PACRG: variants seen among roughly 807,000 people sequenced by gnomAD.
The protein encoded by PACRG is parkin coregulated gene protein.
PACRG carries 29 observed loss-of-function variants against 29.7 expected under a neutral mutation model. The observed-to-expected ratio is 0.98, with a 90% CI of 0.73 to 1.33. The LOEUF is 1.33. PACRG is among the 40% of genes most tolerant of loss of function. The probability of loss-of-function intolerance (pLI) is 0.00; values close to 1 mark genes in which losing one functional copy is unlikely to be tolerated. For missense variants in PACRG, 279 were observed against 316.2 expected, an observed-to-expected ratio of 0.88 and a Z score of 0.89; for synonymous variants, 116 against 118.7, an observed-to-expected ratio of 0.98 and a Z score of 0.15.
chr6:163,191,048 A>G, intron 4 of PACRG: 1 of 436,024 alleles, frequency 2.3e-6, no homozygotes, highest in Non-Finnish European at 4.6e-6. Context: ...ACATATTATC[A>G]TTTGAAAAAC....
chr6:163,314,897 A>G lies in PACRG; in HGVS notation c.684A>G (p.Thr228=), dbSNP rs1289004429. 2 of 1,614,112 alleles carry G rather than the reference A, an allele frequency of 1.2e-6. No homozygotes were observed. Among genetic ancestry groups the G allele is most frequent in the African/African-American group, 1.3e-5 (1 of 74,938 alleles). The change falls in exon 5 of 5, where the codon ACA becomes ACG. Residue 228 remains threonine, a synonymous_variant. Coordinates refer to ENST00000366888, the MANE Select transcript of PACRG (RefSeq NM_001080379.2). ...ACATTGGGGACTTGATCCAGGAGAC[A>G]CTGGAGGCCTTCGAGCGCTACGGAG... ...RENIGDLIQE[T]LEAFERYGGE...
chr6:162,900,779 G>C (rs138786081), intron 2 of PACRG, among the ~76,000 whole-genome samples: 121 of 152,260 alleles, frequency 7.9e-4, no homozygotes, highest in African/African-American at 2.8e-3. Flanking sequence ...CCTGTGGCTG[G>C]CTCCTTCTCA....
intron 2 of PACRG, among the ~76,000 whole-genome samples, chr6:162,821,644 T>C (rs533722800): frequency 2.0e-5 from 3 of 152,310 alleles, no homozygotes; most frequent in African/African-American, 7.2e-5. Context: ...GTTGACGTTG[T>C]AGAAGTATCA....
chr6:163,075,508 T>A (rs943570728), intron 3 of PACRG, among the ~76,000 whole-genome samples: 1 of 152,102 alleles, frequency 6.6e-6, no homozygotes, highest in African/African-American at 2.4e-5. Flanking sequence ...TTAAACAATA[T>A]AACTAACAAA....
chr6:163,189,493 T>G (rs1345097201), intron 4 of PACRG: 1 of 152,254 alleles, frequency 6.6e-6, no homozygotes, highest in African/African-American at 2.4e-5. Flanking sequence ...TATGCCCAGC[T>G]TATTCATTAT....
chr6:163,002,645 C>T (rs544196221), intron 2 of PACRG, among the ~76,000 whole-genome samples: 5 of 152,140 alleles, frequency 3.3e-5, no homozygotes, highest in East Asian at 1.9e-4. Context: ...AATGTCTTCA[C>T]GTTTTGCAAA....
At chr6:162,881,372 T>A (rs1224805535) in intron 2 of PACRG, among the ~76,000 whole-genome samples, 1 of 152,042 alleles carries the variant, frequency 6.6e-6, no homozygotes, top group African/African-American at 2.4e-5. Context: ...AGATGTTTAT[T>A]TTTTTAAAAC....
intron 1 of PACRG, among the ~76,000 whole-genome samples, chr6:162,812,557 C>A (rs1786967823): frequency 6.6e-6 from 1 of 151,588 alleles, no homozygotes; most frequent in Non-Finnish European, 1.5e-5. Flanking sequence ...TTACCATCTA[C>A]CTTTTCTAAA....
At chr6:162,886,521 C>G (rs1174918773) in intron 2 of PACRG, among the ~76,000 whole-genome samples, 1 of 152,186 alleles carries the variant, frequency 6.6e-6, no homozygotes, top group Non-Finnish European at 1.5e-5. Context: ...GTTCATTAAC[C>G]CCCTCCAGTG....
At position 163,277,386 on chromosome 6, in the gene PACRG, AG is replaced by A. The variant is rs527590135; in HGVS notation, c.614-37440del. Among the ~76,000 whole-genome samples, 124 of 151,912 alleles carry A rather than the reference AG, an allele frequency of 8.2e-4. 1 individual carries two copies. Among genetic ancestry groups the A allele is most frequent in the African/African-American group, 2.8e-3 (117 of 41,400 alleles). On this transcript the variant is annotated intron_variant, in intron 4 of 4. Coordinates refer to ENST00000366888, the MANE Select transcript of PACRG (RefSeq NM_001080379.2). ...TTTCCATTCCTGAATTACTTCACTT[AG>A]AATAATAGTCTCCAATTCCATCCAA...
intron 2 of PACRG, among the ~76,000 whole-genome samples, chr6:162,952,602 T>A (rs930770863): frequency 6.6e-6 from 1 of 152,184 alleles, no homozygotes; most frequent in Non-Finnish European, 1.5e-5. Context: ...TTCCACAGTT[T>A]GGCGTGATTG....
chr6:163,195,216 G>C (rs112817828), intron 4 of PACRG, among the ~76,000 whole-genome samples: 6 of 152,308 alleles, frequency 3.9e-5, no homozygotes, highest in African/African-American at 1.4e-4. Flanking sequence ...TTTGATGATT[G>C]GCATTTGATT....
At chr6:162,886,645 T>G (rs1045027953) in intron 2 of PACRG, among the ~76,000 whole-genome samples, 1 of 152,194 alleles carries the variant, frequency 6.6e-6, no homozygotes, top group African/African-American at 2.4e-5. Context: ...CAAGTTATGC[T>G]GTTTTCTAAA....
chr6:163,015,844 G>A (rs1021066249), intron 2 of PACRG, among the ~76,000 whole-genome samples: 5 of 152,078 alleles, frequency 3.3e-5, no homozygotes, highest in Admixed American at 6.6e-5. Flanking sequence ...CTGTTGTGTA[G>A]GCACTATTTT....
chr6:162,765,762 T>A (rs1782737146), intron 1 of PACRG, among the ~76,000 whole-genome samples: 1 of 152,198 alleles, frequency 6.6e-6, no homozygotes, highest in Middle Eastern at 3.2e-3. Context: ...ATACAGTGAT[T>A]GGATTCTTTA....
At chr6:162,766,333 A>T (rs1353185007) in intron 1 of PACRG, among the ~76,000 whole-genome samples, 3 of 152,104 alleles carry the variant, frequency 2.0e-5, no homozygotes, top group African/African-American at 7.2e-5. Flanking sequence ...TGCCTGGCTT[A>T]TTTCGCTTGA....
chr6:163,033,460 T>C (rs1807857583), intron 2 of PACRG, among the ~76,000 whole-genome samples: 2 of 152,240 alleles, frequency 1.3e-5, no homozygotes, highest in African/African-American at 4.8e-5. Context: ...GTAGACCAAA[T>C]ATTTATAGTT....
At chr6:162,997,190 C>T (rs765229268) in intron 2 of PACRG, among the ~76,000 whole-genome samples, 3 of 152,064 alleles carry the variant, frequency 2.0e-5, no homozygotes, top group African/African-American at 7.2e-5. Flanking sequence ...ATGTCATGCT[C>T]AATTTTAATT....
At chr6:163,081,716 A>G (rs999625459) in intron 3 of PACRG, among the ~76,000 whole-genome samples, 25 of 151,942 alleles carry the variant, frequency 1.6e-4, no homozygotes, top group African/African-American at 5.8e-4. Flanking sequence ...TGATCACACC[A>G]CTGCACTCCA....
Sources: allele counts gnomAD v4.1 joint callset (sites outside exome capture counted in the v4.1 genomes callset), GRCh38; gene constraint gnomAD v4.1.1; transcripts MANE v1.5; gene names NCBI Gene and HGNC (gene_info 2026-07-23, HGNC 2026-07-21).